The following CACNA2D3 variants were observed in gnomAD, a reference collection of about 807,000 sequenced individuals.
The protein encoded by CACNA2D3 is voltage-dependent calcium channel subunit alpha-2/delta-3.
CACNA2D3 carries 60 observed loss-of-function variants against 160.6 expected under a neutral mutation model. The ratio of observed to expected loss-of-function variants is 0.37; its 90% confidence interval spans 0.30 to 0.46. The LOEUF (loss-of-function observed/expected upper bound fraction) is 0.46. Ranked by LOEUF, CACNA2D3 falls within the 20% of genes least tolerant of loss-of-function variation. The pLI, the probability that CACNA2D3 is intolerant of heterozygous loss-of-function variation, is 1.00. For synonymous variants in CACNA2D3, 558 were observed against 492.9 expected (o/e 1.13, Z -1.75); for missense variants, 1,205 against 1,365.0 (o/e 0.88, Z 1.85).
chr3:54,670,025 A>G (rs1242023381), intron 11 of CACNA2D3, among the ~76,000 whole-genome samples: 1 of 152,208 alleles, frequency 6.6e-6, no homozygotes, highest in Admixed American at 6.5e-5. Context: ...CACTGAAACA[A>G]CAAAATGTCC....
intron 2 of CACNA2D3, among the ~76,000 whole-genome samples, chr3:54,280,935 T>C (rs1702865033): frequency 6.6e-6 from 1 of 152,208 alleles, no homozygotes; most frequent in Non-Finnish European, 1.5e-5. Context: ...GTGTTGAGCA[T>C]ACTACTTTCT....
rs1313375481 is a variant in CACNA2D3 at position 55,073,862 on chromosome 3, AAGTCTG to A, written c.3183+6_3183+11del. The A allele has an allele frequency of 6.2e-7, 1 of 1,611,608 alleles. No individual in the cohort carries two copies. The highest frequency in any genetic ancestry group is 1.1e-5 in the South Asian group (1 of 90,914). On this transcript the variant is annotated splice_donor_5th_base_variant and intron_variant, in intron 37 of 37. Transcript: ENST00000474759. Reference sequence around the variant, plus strand: ...CTTGTCATGGCTTCCATCCTGAGGTAAGTCTGAGAACTGTTCCTGTTTCCTTTTCCC... The same window carrying A: ...CTTGTCATGGCTTCCATCCTGAGGTAAGAACTGTTCCTGTTTCCTTTTCCC...
At position 54,802,365 on chromosome 3, in the gene CACNA2D3, T is replaced by C. The variant is rs377295178; in HGVS notation, c.1381-14488T>C. Among the ~76,000 whole-genome samples the C allele has an allele frequency of 3.3e-5, 5 of 152,288 alleles. 1 individual carries two copies. The highest frequency in any genetic ancestry group is 1.3e-4 in the Admixed American group (2 of 15,304). On this transcript the variant is annotated intron_variant, in intron 13 of 37. Coordinates refer to ENST00000474759, the MANE Select transcript of CACNA2D3 (RefSeq NM_018398.3). Reference sequence around the variant, plus strand: ...CCTTTTGTGTCCCTGACCTATCCAATATTATTATAAAAACCAGAATAGCTT... The same window carrying C: ...CCTTTTGTGTCCCTGACCTATCCAACATTATTATAAAAACCAGAATAGCTT...
At position 54,614,436 on chromosome 3, in the gene CACNA2D3, G is replaced by A. The variant is rs780019736; in HGVS notation, c.964-13351G>A. ...TAAATTCCAGGCCAGGGTCTAGCAA[G>A]TGCTTCCCCACTGTATTTACTTGTC... is the stretch of plus-strand genomic sequence containing the variant. On this transcript the variant is annotated intron_variant, in intron 9 of 37. Coordinates refer to ENST00000474759, the MANE Select transcript of CACNA2D3 (RefSeq NM_018398.3). Among the ~76,000 whole-genome samples the A allele has an allele frequency of 1.9e-4, 29 of 152,212 alleles. 1 individual carries two copies. Among genetic ancestry groups the A allele is most frequent in the South Asian group, 4.1e-4 (2 of 4,834 alleles).
chr3:54,129,534 T>C (rs1375534461), intron 2 of CACNA2D3, among the ~76,000 whole-genome samples: 1 of 152,216 alleles, frequency 6.6e-6, no homozygotes, highest in East Asian at 1.9e-4. Context: ...TTGGCGCACA[T>C]TTCAAGGCCA....
chr3:54,933,841 T>C (rs1701266221), intron 27 of CACNA2D3, among the ~76,000 whole-genome samples: 1 of 151,864 alleles, frequency 6.6e-6, no homozygotes, highest in African/African-American at 2.4e-5. Flanking sequence ...TGGTCTCAGC[T>C]TACTGCAACC....
At chr3:54,729,189 G>A (rs572043657) in intron 11 of CACNA2D3, among the ~76,000 whole-genome samples, 10 of 152,216 alleles carry the variant, frequency 6.6e-5, no homozygotes, top group Admixed American at 3.3e-4. Context: ...CCAAAGTGCT[G>A]GGATTATAGG....
At chr3:54,756,825 T>C (rs939636741) in intron 12 of CACNA2D3, among the ~76,000 whole-genome samples, 10 of 152,112 alleles carry the variant, frequency 6.6e-5, no homozygotes, top group African/African-American at 2.4e-4. Flanking sequence ...TCTGGGGACA[T>C]TCGTACCCCT....
chr3:54,492,235 C>G (rs954306364), intron 4 of CACNA2D3, among the ~76,000 whole-genome samples: 1 of 152,152 alleles, frequency 6.6e-6, no homozygotes, highest in African/African-American at 2.4e-5. Context: ...AAGAGGGATG[C>G]CCAGGTGGTC....
chr3:54,205,790 G>A (rs773965146), intron 2 of CACNA2D3, among the ~76,000 whole-genome samples: 26 of 152,152 alleles, frequency 1.7e-4, no homozygotes, highest in Non-Finnish European at 2.6e-4. Flanking sequence ...GGTAAGAAAG[G>A]GTTGCGGTGG....
Position 54,911,772 on chromosome 3 carries a change from C to T in CACNA2D3, c.2449+11904C>T, listed in dbSNP as rs144983678. Among the ~76,000 whole-genome samples the T allele has an allele frequency of 2.6e-5, 4 of 152,260 alleles. No homozygotes were observed. The East Asian group carries it at 7.7e-4, about 29-fold the overall frequency. On this transcript the variant is annotated intron_variant, in intron 27 of 37. Transcript: ENST00000474759. ...AAATCATGTTAAAGATAAGTAATAT[C>T]ATGTCACTCTTCTATCCAAAACTCT...
intron 11 of CACNA2D3, among the ~76,000 whole-genome samples, chr3:54,680,575 T>TTA (rs1700327471): frequency 6.6e-6 from 1 of 152,212 alleles, no homozygotes; most frequent in Admixed American, 6.5e-5. Flanking sequence ...ATAATTAAGA[T>TTA]ATTTGCAAAG....
intron 11 of CACNA2D3, among the ~76,000 whole-genome samples, chr3:54,670,320 G>A (rs971978262): frequency 2.0e-5 from 3 of 152,130 alleles, no homozygotes; most frequent in Non-Finnish European, 4.4e-5. Flanking sequence ...CTGGCAAGGC[G>A]TTTCCTCCTG....
intron 5 of CACNA2D3, among the ~76,000 whole-genome samples, chr3:54,524,567 T>C (rs1701695511): frequency 6.6e-6 from 1 of 152,118 alleles, no homozygotes; most frequent in Non-Finnish European, 1.5e-5. Flanking sequence ...TTTTACTCTG[T>C]ATTCAAAGTG....
intron 13 of CACNA2D3, among the ~76,000 whole-genome samples, chr3:54,766,382 CATA>C (rs1405634385): frequency 6.6e-6 from 1 of 152,118 alleles, no homozygotes; most frequent in Non-Finnish European, 1.5e-5. Flanking sequence ...TGTACAACTT[CATA>C]ATAAGCAAAA....
intron 13 of CACNA2D3, among the ~76,000 whole-genome samples, chr3:54,782,348 G>A (rs1015564520): frequency 6.6e-6 from 1 of 152,142 alleles, no homozygotes; most frequent in Non-Finnish European, 1.5e-5. Flanking sequence ...TAGTGGTGGT[G>A]ATCTCATAGA....
At chr3:54,376,247 G>C (rs1323958321) in intron 3 of CACNA2D3, among the ~76,000 whole-genome samples, 2 of 152,008 alleles carry the variant, frequency 1.3e-5, no homozygotes, top group Admixed American at 6.5e-5. Context: ...GCAGAGGGAG[G>C]CTCCCACCCT....
chr3:55,061,506 CAG>C (rs1469352970), intron 35 of CACNA2D3, among the ~76,000 whole-genome samples: 1 of 152,154 alleles, frequency 6.6e-6, no homozygotes, highest in African/African-American at 2.4e-5. Context: ...TTACAAATGA[CAG>C]AGGCTCAACT....
At chr3:54,691,867 C>A (rs1324119908) in intron 11 of CACNA2D3, among the ~76,000 whole-genome samples, 2 of 149,858 alleles carry the variant, frequency 1.3e-5, no homozygotes, top group African/African-American at 4.9e-5. Flanking sequence ...GATGCCTTCA[C>A]CAATTGTTCT....
Sources: gnomAD v4.1 joint callset for allele counts (sites outside exome capture counted in the v4.1 genomes callset) on GRCh38, gnomAD v4.1.1 for gene constraint, MANE v1.5 for transcripts, NCBI Gene and HGNC (gene_info 2026-07-23, HGNC 2026-07-21) for gene names.